ARHGAP6: variants seen among roughly 807,000 people sequenced by gnomAD.
ARHGAP6 encodes the protein rho GTPase-activating protein 6.
Under a neutral mutation model 55.7 loss-of-function variants are expected in ARHGAP6, and 16 were observed. The observed-to-expected ratio is 0.29, with a 90% CI of 0.19 to 0.44. The LOEUF (loss-of-function observed/expected upper bound fraction) is 0.44, where lower values mean the gene tolerates loss of function less well. ARHGAP6 is among the 20% of genes least tolerant of loss of function. The probability of loss-of-function intolerance (pLI) is 1.00; values close to 1 mark genes in which losing one functional copy is unlikely to be tolerated. For synonymous variants in ARHGAP6, 382 were observed against 360.9 expected, an observed-to-expected ratio of 1.06 and a Z score of -0.66; for missense variants, 698 against 808.9, an observed-to-expected ratio of 0.86 and a Z score of 1.66.
At chrX:11,224,375 G>T in intron 2 of ARHGAP6, 1 of 582,595 alleles carries the variant, frequency 1.7e-6, no homozygotes, top group Non-Finnish European at 2.2e-6. Context: ...TTAACCTATT[G>T]TATCAATGTC....
At position 11,555,372 on chromosome X, in the gene ARHGAP6, A is replaced by T. The variant is rs1349653125; in HGVS notation, c.588+108869T>A. Among the ~76,000 whole-genome samples the T allele has an allele frequency of 3.6e-5, 4 of 111,292 alleles. No homozygotes were observed. In the East Asian group the frequency reaches 1.1e-3, roughly 31 times the overall value. ...GAAAAATAAAGCTGGATAAAGGGAC[A>T]TGGGAGGGAGAGAGGGGTGCACAGT... On this transcript the variant is annotated intron_variant, in intron 1 of 12. Coordinates refer to ENST00000337414, the MANE Select transcript of ARHGAP6 (RefSeq NM_013427.3).
At chrX:11,256,721 T>C (rs935434993) in intron 1 of ARHGAP6, among the ~76,000 whole-genome samples, 9 of 112,112 alleles carry the variant, frequency 8.0e-5, no homozygotes, top group Non-Finnish European at 1.5e-4. Context: ...TTTGCAGTTT[T>C]AGAGACAGCA....
At chrX:11,338,102 T>C (rs2048662069) in intron 1 of ARHGAP6, among the ~76,000 whole-genome samples, 3 of 110,899 alleles carry the variant, frequency 2.7e-5, no homozygotes, top group Non-Finnish European at 5.7e-5. Context: ...GAGGGATCCA[T>C]CCCTGTAACC....
At chrX:11,260,069 G>A (rs2047538872) in intron 1 of ARHGAP6, among the ~76,000 whole-genome samples, 1 of 111,001 alleles carries the variant, frequency 9.0e-6, no homozygotes, top group Non-Finnish European at 1.9e-5. Flanking sequence ...ATGTGATAAT[G>A]GAAGCAGAGG....
chrX:11,633,871 G>A (rs942846805), intron 1 of ARHGAP6, among the ~76,000 whole-genome samples: 2 of 111,738 alleles, frequency 1.8e-5, no homozygotes, highest in African/African-American at 6.5e-5. Context: ...CTCTGTGCTA[G>A]CTGTGCTGCT....
At chrX:11,386,924 T>A (rs1048238166) in intron 1 of ARHGAP6, among the ~76,000 whole-genome samples, 2 of 111,938 alleles carry the variant, frequency 1.8e-5, no homozygotes, top group African/African-American at 6.5e-5. Flanking sequence ...TAAGGTGGAC[T>A]GAGGTTAACA....
chrX:11,401,206 C>G, intron 1 of ARHGAP6, among the ~76,000 whole-genome samples: 1 of 111,040 alleles, frequency 9.0e-6, no homozygotes, highest in South Asian at 3.8e-4. Context: ...GCAGCTAATC[C>G]AGCCTCCCGC....
intron 2 of ARHGAP6, among the ~76,000 whole-genome samples, chrX:11,216,880 G>A (rs1195892897): frequency 9.3e-6 from 1 of 108,099 alleles, no homozygotes; most frequent in Non-Finnish European, 1.9e-5. Flanking sequence ...CTCCACCCCC[G>A]ACAGGCCCCA....
intron 1 of ARHGAP6, among the ~76,000 whole-genome samples, chrX:11,512,087 A>C (rs1906655155): frequency 9.0e-6 from 1 of 111,322 alleles, no homozygotes; most frequent in South Asian, 3.8e-4. Context: ...TGGCCTCCCA[A>C]AGTGCTGGGA....
chrX:11,323,600 C>T (rs761418242), intron 1 of ARHGAP6, among the ~76,000 whole-genome samples: 8 of 111,961 alleles, frequency 7.1e-5, no homozygotes, highest in African/African-American at 2.6e-4. Context: ...TGTGGTGGCT[C>T]ACGCCTGTAA....
chrX:11,367,878 A>G (rs2049101182), intron 1 of ARHGAP6: 1 of 629,257 alleles, frequency 1.6e-6, no homozygotes, highest in South Asian at 8.2e-5. Flanking sequence ...CAAAGCAACA[A>G]GGTCAATTCT....
At chrX:11,372,403 A>AT (rs760859684) in intron 1 of ARHGAP6, among the ~76,000 whole-genome samples, 12 of 112,085 alleles carry the variant, frequency 1.1e-4, no homozygotes, top group African/African-American at 3.9e-4. Context: ...TAAAGAATGG[A>AT]TTTTTTAAAA....
At chrX:11,255,080 G>A (rs976918097) in intron 1 of ARHGAP6, among the ~76,000 whole-genome samples, 2 of 111,646 alleles carry the variant, frequency 1.8e-5, no homozygotes, top group South Asian at 7.5e-4. Context: ...AGATATAGGG[G>A]GATGAGTGTG....
At position 11,664,712 on chromosome X, in the gene ARHGAP6, G is replaced by A. The variant is rs1189554225; in HGVS notation, c.117C>T (p.Asp39=). The stretch of plus-strand genomic sequence containing the variant: ...TCCCGCAGCCGCCGATCAGGGCCGG[G>A]TCCAGGCTGCGGGTCTGGCGCAGCT... ...KRKLRQTRSL[D]PALIGGCGSD... is the part of the protein sequence containing the mutation. The change falls in exon 1 of 13, where the codon GAC becomes GAT. Residue 39 remains aspartate, a synonymous_variant. Transcript: ENST00000337414. 8.4e-7 allele frequency: 1 copy of A among 1,188,092 alleles called. No homozygotes were observed. Among genetic ancestry groups the A allele is most frequent in the Admixed American group, 2.4e-5 (1 of 40,937 alleles).
At chrX:11,216,144 G>T (rs1384203839) in intron 2 of ARHGAP6, among the ~76,000 whole-genome samples, 2 of 107,419 alleles carry the variant, frequency 1.9e-5, no homozygotes, top group Non-Finnish European at 3.8e-5. Flanking sequence ...GAGCCAAAAG[G>T]GTCCACAAAT....
In ARHGAP6 at chrX:11,333,950, A is replaced by AAG. The variant is rs777241732; in HGVS notation, c.589-79244_589-79243insCT. On this transcript the variant is annotated intron_variant, in intron 1 of 12. Transcript: ENST00000337414. ...TTTTTTGGTGCTATGAGTTTCTCAC[A>AAG]CATGTAAACCCTTTCGGAAAAGTTG... 3.6e-5 allele frequency among the ~76,000 whole-genome samples: 4 copies of AAG among 112,028 alleles called. No homozygotes were observed. In the East Asian group the frequency reaches 1.1e-3, roughly 31 times the overall value.
intron 10 of ARHGAP6, among the ~76,000 whole-genome samples, chrX:11,155,181 A>G (rs2045846200): frequency 8.9e-6 from 1 of 112,808 alleles, no homozygotes; most frequent in African/African-American, 3.2e-5. Context: ...AGTATCTGCA[A>G]TAATCATGAG....
chrX:11,580,568 C>T (rs1329681944), intron 1 of ARHGAP6, among the ~76,000 whole-genome samples: 1 of 112,446 alleles, frequency 8.9e-6, no homozygotes, highest in Non-Finnish European at 1.9e-5. Flanking sequence ...CTTACAGCTA[C>T]ATCTGTAGCC....
chrX:11,299,875 A>G (rs991807607), intron 1 of ARHGAP6, among the ~76,000 whole-genome samples: 24 of 112,165 alleles, frequency 2.1e-4, no homozygotes, highest in African/African-American at 5.5e-4. Flanking sequence ...CTTCAAATGT[A>G]TCGGTGTTTT....
Sources: gnomAD v4.1 joint callset for allele counts (sites outside exome capture counted in the v4.1 genomes callset) on GRCh38, gnomAD v4.1.1 for gene constraint, MANE v1.5 for transcripts, NCBI Gene and HGNC (gene_info 2026-07-23, HGNC 2026-07-21) for gene names.